CDH12: variants seen among roughly 807,000 people sequenced by gnomAD.
CDH12 encodes cadherin 12.
Under a neutral mutation model 74.1 loss-of-function variants are expected in CDH12, and 41 were observed. The ratio of observed to expected loss-of-function variants is 0.55; its 90% CI spans 0.43 to 0.72. The LOEUF (loss-of-function observed/expected upper bound fraction) is 0.72. CDH12 is among the 30% of genes least tolerant of loss of function. The pLI, the probability that CDH12 is intolerant of heterozygous loss-of-function variation, is 0.00. For synonymous variants in CDH12, 399 were observed against 355.0 expected (o/e 1.12, Z -1.39); for missense variants, 945 against 977.2 (o/e 0.97, Z 0.44).
intron 2 of CDH12, among the ~76,000 whole-genome samples, chr5:22,488,199 A>G (rs1252593970): frequency 2.6e-5 from 4 of 152,228 alleles, no homozygotes; most frequent in Admixed American, 2.0e-4. Context: ...AAATCTGCCA[A>G]TATTCGTTGT....
chr5:22,352,561 GGA>G (rs1380634405), intron 3 of CDH12, among the ~76,000 whole-genome samples: 1 of 152,200 alleles, frequency 6.6e-6, no homozygotes, highest in South Asian at 2.1e-4. Flanking sequence ...AGAAAAAATA[GGA>G]GAGAGAGACA....
At chr5:22,567,568 CA>C (rs1402913961) in intron 1 of CDH12, among the ~76,000 whole-genome samples, 1 of 152,154 alleles carries the variant, frequency 6.6e-6, no homozygotes, top group African/African-American at 2.4e-5. Flanking sequence ...AAGTATTTGA[CA>C]AAATGGTGCT....
At chr5:22,641,792 C>T (rs982297939) in intron 1 of CDH12, among the ~76,000 whole-genome samples, 4 of 152,188 alleles carry the variant, frequency 2.6e-5, no homozygotes, top group Admixed American at 2.6e-4. Context: ...TATTTCCTCA[C>T]ACTAAAATAT....
rs1044042858 is a variant in CDH12, at chr5:22,682,875, C to T, written c.-523+170183G>A. On this transcript the variant is annotated intron_variant, in intron 1 of 14. Transcript: ENST00000382254. ...ATTAAAGAATAAATTAACAATTTTG[C>T]TATCTTCCAAAGTTAAGAAGAAAAA... Among the ~76,000 whole-genome samples the T allele has an allele frequency of 3.9e-5, 6 of 151,990 alleles. No homozygotes were observed. The East Asian group carries it at 7.7e-4, about 20-fold the overall frequency.
chr5:22,796,570 A>G (rs1239522109), intron 1 of CDH12, among the ~76,000 whole-genome samples: 2 of 79,518 alleles, frequency 2.5e-5, no homozygotes, highest in Non-Finnish European at 4.1e-5. Context: ...CCCAGGCTGG[A>G]GTGCAGTGGC....
chr5:22,710,496 T>C (rs547193390), intron 1 of CDH12, among the ~76,000 whole-genome samples: 3 of 152,172 alleles, frequency 2.0e-5, no homozygotes, highest in African/African-American at 4.8e-5. Context: ...GTTTCTACCA[T>C]GTGCAAATGA....
chr5:22,550,780 T>G (rs1738529444), intron 1 of CDH12, among the ~76,000 whole-genome samples: 1 of 152,176 alleles, frequency 6.6e-6, no homozygotes, highest in African/African-American at 2.4e-5. Flanking sequence ...TCCTTTGCAA[T>G]TAAAATGGCA....
At chr5:22,747,761 C>G (rs1307259301) in intron 1 of CDH12, among the ~76,000 whole-genome samples, 2 of 151,996 alleles carry the variant, frequency 1.3e-5, no homozygotes, top group Non-Finnish European at 2.9e-5. Flanking sequence ...TTTACGATTC[C>G]TAGTGTTTTA....
intron 2 of CDH12, among the ~76,000 whole-genome samples, chr5:22,468,971 T>C (rs573389789): frequency 6.6e-6 from 1 of 152,342 alleles, no homozygotes; most frequent in Admixed American, 6.5e-5. Flanking sequence ...GATTTACTTC[T>C]AGTAAATTAC....
At chr5:22,333,618 A>G (rs1190196439) in intron 3 of CDH12, among the ~76,000 whole-genome samples, 3 of 152,224 alleles carry the variant, frequency 2.0e-5, no homozygotes, top group Non-Finnish European at 2.9e-5. Flanking sequence ...AGGGGACACT[A>G]TCAAATGCAT....
chr5:22,028,850 C>G (rs367884495), intron 5 of CDH12, among the ~76,000 whole-genome samples: 11 of 152,164 alleles, frequency 7.2e-5, no homozygotes, highest in East Asian at 1.9e-4. Flanking sequence ...CACGCTACCT[C>G]ACTTCAAACT....
At chr5:22,226,301 T>C (rs1054244640) in intron 3 of CDH12, among the ~76,000 whole-genome samples, 1 of 151,998 alleles carries the variant, frequency 6.6e-6, no homozygotes, top group Non-Finnish European at 1.5e-5. Context: ...TGGTTGATCA[T>C]AAATAGGGAG....
intron 4 of CDH12, among the ~76,000 whole-genome samples, chr5:22,135,139 C>T (rs1172130024): frequency 6.8e-6 from 1 of 146,442 alleles, no homozygotes; most frequent in African/African-American, 2.5e-5. Flanking sequence ...AACTTGGAGA[C>T]TATAAGTGGA....
chr5:22,577,770 T>G (rs1264757757), intron 1 of CDH12, among the ~76,000 whole-genome samples: 1 of 152,036 alleles, frequency 6.6e-6, no homozygotes, highest in African/African-American at 2.4e-5. Context: ...TCTTTTCTAT[T>G]GTTCAGCAGC....
In CDH12 at chr5:22,447,985, TA is replaced by T. The variant is rs10660558; in HGVS notation, c.-427-42635del. Among the ~76,000 whole-genome samples, 44 of 84,468 alleles carry T rather than the reference TA, an allele frequency of 5.2e-4. 1 individual carries two copies. In the South Asian group the frequency reaches 5.3e-3, roughly 10 times the overall value. 55.4% of individuals were successfully genotyped at this position (84,468 alleles called of 152,430 possible). On this transcript the variant is annotated intron_variant, in intron 2 of 14. Transcript: ENST00000382254. The stretch of plus-strand genomic sequence containing the variant: ...ATGAGGCCTCCTTTCTACAAGAAAT[TA>T]AAAAAAAAAAAAAAAAAAAGCCAGG...
At chr5:22,193,452 T>C (rs577616287) in intron 4 of CDH12, among the ~76,000 whole-genome samples, 2 of 152,342 alleles carry the variant, frequency 1.3e-5, no homozygotes, top group Non-Finnish European at 2.9e-5. Flanking sequence ...TTTTTGCTGG[T>C]TACTTTCCTA....
chr5:22,471,578 A>C (rs926893006), intron 2 of CDH12, among the ~76,000 whole-genome samples: 2 of 152,066 alleles, frequency 1.3e-5, no homozygotes, highest in African/African-American at 2.4e-5. Context: ...CCATGGGGGG[A>C]AAAAACTGTA....
chr5:22,659,857 A>G (rs893379387), intron 1 of CDH12, among the ~76,000 whole-genome samples: 1 of 152,146 alleles, frequency 6.6e-6, no homozygotes, highest in Non-Finnish European at 1.5e-5. Flanking sequence ...TTTTCTAAAA[A>G]TAGAATTATT....
Position 22,535,702 on chromosome 5 carries a change from A to T in CDH12, c.-522-30338T>A, listed in dbSNP as rs138105649. Among the ~76,000 whole-genome samples, 811 of 152,324 alleles carry T rather than the reference A, an allele frequency of 5.3e-3. 9 individuals carry two copies. The highest frequency in any genetic ancestry group is 0.018 in the African/African-American group (762 of 41,568). ...TTAGTATGCTAATGTGCTTTCTCTA[A>T]GAGCAAATATAAAATGGGATGTCCC... On this transcript the variant is annotated intron_variant, in intron 1 of 14. Coordinates refer to ENST00000382254, the MANE Select transcript of CDH12 (RefSeq NM_004061.5).
Sources: allele counts gnomAD v4.1 joint callset (sites outside exome capture counted in the v4.1 genomes callset), GRCh38; gene constraint gnomAD v4.1.1; transcripts MANE v1.5; gene names NCBI Gene and HGNC (gene_info 2026-07-23, HGNC 2026-07-21).